TBK1: variants seen among roughly 807,000 people sequenced by gnomAD.
The protein encoded by TBK1 is serine/threonine-protein kinase TBK1.
A neutral mutation model predicts 99.9 loss-of-function variants in TBK1; 37 were observed. That is an observed-to-expected ratio of 0.37 (90% CI 0.28 to 0.49). The LOEUF is 0.49. Among genes scored for constraint, TBK1 ranks in the 20% least tolerant of loss-of-function variants. The probability of loss-of-function intolerance (pLI) is 0.98; values close to 1 mark genes in which losing one functional copy is unlikely to be tolerated. For synonymous variants in TBK1, 258 were observed against 279.8 expected, an observed-to-expected ratio of 0.92 and a Z score of 0.78; for missense variants, 644 against 872.5, an observed-to-expected ratio of 0.74 and a Z score of 3.30.
chr12:64,493,726 T>C (rs1349955699), intron 13 of TBK1, among the ~76,000 whole-genome samples: 1 of 152,200 alleles, frequency 6.6e-6, no homozygotes, highest in Admixed American at 6.5e-5. Context: ...ACCTCGGATG[T>C]GTTGAGTCAG....
At chr12:64,475,131 G>A (rs1202449215) in intron 6 of TBK1, among the ~76,000 whole-genome samples, 3 of 152,002 alleles carry the variant, frequency 2.0e-5, no homozygotes, top group African/African-American at 7.2e-5. Context: ...ATAAATAAAT[G>A]AAAGAAAATT....
chr12:64,472,215 G>A (rs10784412), intron 5 of TBK1, among the ~76,000 whole-genome samples: 134,378 of 149,910 alleles, frequency 0.9, 60,494 homozygotes, highest in Admixed American at 0.94. Context: ...ATTAAAATGT[G>A]TTTCTCAAAA....
chr12:64,497,394 GTTTT>G, intron 18 of TBK1, 135 bp downstream of exon 18: 1 of 663,904 alleles, frequency 1.5e-6, no homozygotes, highest in East Asian at 3.0e-5. Flanking sequence ...TTTGAGCCAA[GTTTT>G]AAGAATGTAG....
At position 64,496,931 on chromosome 12, in the gene TBK1, A is replaced by G. The variant is rs759379669; in HGVS notation, c.1761-18A>G. On this transcript the variant is annotated intron_variant, in intron 16 of 20. Transcript: ENST00000331710. The stretch of plus-strand genomic sequence containing the variant: ...ACAGTGACATTGGTTTAAGCCTCTG[A>G]TTATTTCTAAATTACAGGCAAAAAC... 6.3e-7 allele frequency: 1 copy of G among 1,581,646 alleles called. No individual in the cohort carries two copies. Among genetic ancestry groups the G allele is most frequent in the Non-Finnish European group, 8.6e-7 (1 of 1,156,100 alleles).
intron 2 of TBK1, among the ~76,000 whole-genome samples, chr12:64,456,378 T>A (rs952620602): frequency 6.6e-6 from 1 of 152,122 alleles, no homozygotes. Context: ...TAGGCTCTGG[T>A]AAGGGTAAGT....
In TBK1 at chr12:64,496,408, TA is replaced by T; in HGVS notation, c.1760+4del. 7.9e-7 allele frequency: 1 copy of T among 1,258,676 alleles called. No homozygotes were observed. The highest frequency in any genetic ancestry group is 1.1e-6 in the Non-Finnish European group (1 of 903,000). 78.0% of individuals were successfully genotyped at this position (1,258,676 alleles called of 1,614,324 possible). A position where few individuals can be genotyped will look rare whatever the true frequency, so the allele number is the denominator to read the frequency against. On this transcript the variant is annotated splice_donor_region_variant and intron_variant, in intron 16 of 20. Coordinates refer to ENST00000331710, the MANE Select transcript of TBK1 (RefSeq NM_013254.4). The stretch of plus-strand genomic sequence containing the variant: ...AGAACAAATCCACAAATTTGATAAG[TA>T]AGTATCCAGATTATGTTTAATAGTT...
chr12:64,488,420 ATAAT>A, intron 11 of TBK1, 63 bp from the exon 12 acceptor site: 2 of 887,264 alleles, frequency 2.3e-6, no homozygotes, highest in Non-Finnish European at 3.4e-6. Flanking sequence ...GTACTGCAGT[ATAAT>A]TAGTGATAGA....
intron 3 of TBK1, among the ~76,000 whole-genome samples, chr12:64,460,658 A>T (rs993735738): frequency 2.4e-4 from 37 of 151,760 alleles, no homozygotes; most frequent in African/African-American, 8.5e-4. Flanking sequence ...ATGTGGTGAA[A>T]CCCCGTCTCT....
intron 20 of TBK1, among the ~76,000 whole-genome samples, chr12:64,499,273 G>A (rs1192238511): frequency 6.6e-6 from 1 of 151,888 alleles, no homozygotes; most frequent in Non-Finnish European, 1.5e-5. Context: ...TTGAACTCCT[G>A]ACCTCAGGTG....
At chr12:64,454,055 G>A (rs1329571162) in intron 1 of TBK1, among the ~76,000 whole-genome samples, 1 of 151,994 alleles carries the variant, frequency 6.6e-6, no homozygotes, top group East Asian at 1.9e-4. Context: ...CTTCATTAGT[G>A]TTTCTCTGCT....
chr12:64,464,427 C>T lies in TBK1; in HGVS notation c.322C>T (p.Pro108Ser). 1 of 1,596,034 alleles carries T rather than the reference C, an allele frequency of 6.3e-7. No individual in the cohort carries two copies. The highest frequency in any genetic ancestry group is 8.5e-7 in the Non-Finnish European group (1 of 1,169,956). ...AGAACCTTCTAATGCCTATGGACTA[C>T]CAGAATCTGAATTCTTAATTGTTTT... ...LEEPSNAYGL[P>S]ESEFLIVLRD... The change falls in exon 4 of 21, where the codon CCA becomes TCA. Residue 108 changes from proline (P) to serine (S), a missense_variant. This residue lies in a region of TBK1 where 148 missense variants were observed against 202.1 expected (regional missense o/e 0.73). Coordinates refer to ENST00000331710, the MANE Select transcript of TBK1 (RefSeq NM_013254.4).
chr12:64,454,761 C>T (rs1040286985), intron 1 of TBK1, among the ~76,000 whole-genome samples: 2 of 147,536 alleles, frequency 1.4e-5, no homozygotes, highest in Non-Finnish European at 3.0e-5. Flanking sequence ...ACTGCAAGCT[C>T]CGCCTCCCGG....
Position 64,501,315 on chromosome 12 carries a change from G to GT in TBK1, c.2139-14dup. 1 of 1,610,790 alleles carries GT rather than the reference G, an allele frequency of 6.2e-7. No homozygotes were observed. The highest frequency in any genetic ancestry group is 2.2e-5 in the East Asian group (1 of 44,784). On this transcript the variant is annotated splice_polypyrimidine_tract_variant and intron_variant, in intron 20 of 20. Coordinates refer to ENST00000331710, the MANE Select transcript of TBK1 (RefSeq NM_013254.4). ...CTTTTGAGATTACCTTTTTTTCTTT[G>GT]TGTGTGTGTTTTAGGTTTGGCTCTT...
chr12:64,484,266 C>T, intron 8 of TBK1, 37 bp from the exon 9 acceptor site: 3 of 1,406,478 alleles, frequency 2.1e-6, no homozygotes, highest in African/African-American at 1.4e-5. Context: ...TCACTTTATC[C>T]CCAGTTATAG....
intron 5 of TBK1, among the ~76,000 whole-genome samples, chr12:64,469,847 A>G (rs989420861): frequency 6.6e-6 from 1 of 151,944 alleles, no homozygotes; most frequent in East Asian, 1.9e-4. Flanking sequence ...TCTAAAAGCT[A>G]GTTCACCAGG....
In TBK1 at chr12:64,464,320, A is replaced by AC. The variant is rs1555202703; in HGVS notation, c.229-14_229-13insC. 4.5e-5 allele frequency: 55 copies of AC among 1,210,058 alleles called. No homozygotes were observed. Among genetic ancestry groups the AC allele is most frequent in the Non-Finnish European group, 5.6e-5 (50 of 889,634 alleles). 75.0% of individuals were successfully genotyped at this position (1,210,058 alleles called of 1,614,324 possible). A position where few individuals can be genotyped will look rare whatever the true frequency, so the allele number is the denominator to read the frequency against. ...TTTTTATGTTGATTCCCAATCAATG[A>AC]TTTTTTTTTTCAGACAACAACAAGA... On this transcript the variant is annotated splice_polypyrimidine_tract_variant and intron_variant, in intron 3 of 20. Transcript: ENST00000331710.
At chr12:64,480,506 C>G (rs1310755024) in intron 7 of TBK1, among the ~76,000 whole-genome samples, 2 of 151,974 alleles carry the variant, frequency 1.3e-5, no homozygotes, top group Admixed American at 1.3e-4. Context: ...AAAAAGCAAA[C>G]AATGAAGAGA....
In TBK1 at chr12:64,484,534, C is replaced by T. The variant is rs73313881; in HGVS notation, c.1189+35C>T. ...GATTTTTCTTGTCGTTCTTACTAGCCATTAGAAAAATACAGCCAGCCTGGG... is the reference window on the plus strand; with the variant it reads ...GATTTTTCTTGTCGTTCTTACTAGCTATTAGAAAAATACAGCCAGCCTGGG... On this transcript the variant is annotated intron_variant, in intron 9 of 20. Coordinates refer to ENST00000331710, the MANE Select transcript of TBK1 (RefSeq NM_013254.4). 4.1e-4 allele frequency: 645 copies of T among 1,565,512 alleles called. 1 individual carries two copies. The African/African-American group carries it at 8.1e-3, about 20-fold the overall frequency.
chr12:64,479,073 T>C (rs1565818667), intron 6 of TBK1, among the ~76,000 whole-genome samples: 1 of 152,246 alleles, frequency 6.6e-6, no homozygotes, highest in African/African-American at 2.4e-5. Context: ...TCAGAGGTGA[T>C]TGAAGTACTC....
Sources: allele counts gnomAD v4.1 joint callset (sites outside exome capture counted in the v4.1 genomes callset), GRCh38; gene constraint gnomAD v4.1.1; regional missense constraint gnomAD v4.1.1; transcripts MANE v1.5; gene names NCBI Gene and HGNC (gene_info 2026-07-23, HGNC 2026-07-21).